CHD9: variants seen among roughly 807,000 people sequenced by gnomAD.
The protein encoded by CHD9 is chromodomain helicase DNA binding protein 9.
In CHD9, 77 loss-of-function variants were observed where a neutral mutation model predicts 316.1. The ratio of observed to expected loss-of-function variants is 0.24; its 90% confidence interval spans 0.20 to 0.29. CHD9 has a LOEUF of 0.29. Ranked by LOEUF, CHD9 falls within the 10% of genes least tolerant of loss-of-function variation. The pLI, the probability that CHD9 is intolerant of heterozygous loss-of-function variation, is 1.00. For missense variants in CHD9, 2,763 were observed against 3,438.1 expected (o/e 0.80, Z 4.91); for synonymous variants, 1,129 against 1,158.3 (o/e 0.97, Z 0.51).
At chr16:53,278,561 G>A (rs2053095548) in intron 24 of CHD9, among the ~76,000 whole-genome samples, 2 of 152,130 alleles carry the variant, frequency 1.3e-5, no homozygotes, top group Non-Finnish European at 2.9e-5. Context: ...ACATGTAGGC[G>A]AATGAAACTG....
rs1323372843 is a variant in CHD9, at chr16:53,326,597, A to G, written c.*1702A>G. 6.6e-6 allele frequency: 1 copy of G among 152,452 alleles called. No homozygotes were observed. Among genetic ancestry groups the G allele is most frequent in the Non-Finnish European group, 1.5e-5 (1 of 67,906 alleles). 9.4% of individuals were successfully genotyped at this position (152,452 alleles called of 1,614,324 possible). On this transcript the variant is annotated 3_prime_UTR_variant, in exon 39 of 39. Coordinates refer to ENST00000447540, the MANE Select transcript of CHD9 (RefSeq NM_001308319.2). ...TTTCCCAAAATAGTACTTTGAATTGATAGTCCTTTATGCAATGTCTTAGCA... is the reference window on the plus strand; with the variant it reads ...TTTCCCAAAATAGTACTTTGAATTGGTAGTCCTTTATGCAATGTCTTAGCA...
At chr16:53,282,185 A>T (rs558059471) in intron 24 of CHD9, among the ~76,000 whole-genome samples, 2 of 152,248 alleles carry the variant, frequency 1.3e-5, no homozygotes, top group South Asian at 4.1e-4. Context: ...TAACATGTTT[A>T]CATCTCTGTC....
chr16:53,154,160 A>T (rs1316565213), intron 1 of CHD9, among the ~76,000 whole-genome samples: 3 of 152,240 alleles, frequency 2.0e-5, no homozygotes, highest in African/African-American at 7.2e-5. Flanking sequence ...TTTATTACTC[A>T]AAAGTATCTG....
rs200076387 is a variant in CHD9, at chr16:53,132,097, AT to A, written c.-164-23821del. Among the ~76,000 whole-genome samples, 1,072 of 139,068 alleles carry A rather than the reference AT, an allele frequency of 7.7e-3. 13 individuals carry two copies. The highest frequency in any genetic ancestry group is 0.027 in the African/African-American group (1,030 of 37,568). The allele number at this position is 139,068 out of a possible 152,430, so 91.2% of individuals were successfully genotyped here. A position where few individuals can be genotyped will look rare whatever the true frequency, so the allele number is the denominator to read the frequency against. On this transcript the variant is annotated intron_variant, in intron 1 of 38. Coordinates refer to ENST00000447540, the MANE Select transcript of CHD9 (RefSeq NM_001308319.2). Reference sequence around the variant, plus strand: ...GTTCTTATTTTTATTTTTAAAAAAAATTTTTTTTGGGGGGGGTGGTTTGCTT... The same window carrying A: ...GTTCTTATTTTTATTTTTAAAAAAAATTTTTTTGGGGGGGGTGGTTTGCTT...
intron 4 of CHD9, among the ~76,000 whole-genome samples, chr16:53,224,608 T>C (rs575842436): frequency 6.6e-6 from 1 of 152,316 alleles, no homozygotes; most frequent in East Asian, 1.9e-4. Context: ...TAAGTACTAA[T>C]AGATGTCTTA....
At chr16:53,197,750 C>T (rs1269754919) in intron 2 of CHD9, among the ~76,000 whole-genome samples, 1 of 151,824 alleles carries the variant, frequency 6.6e-6, no homozygotes, top group Non-Finnish European at 1.5e-5. Context: ...CGTCACCCTC[C>T]TGAGTAGCTA....
At chr16:53,059,387 T>C (rs2032574768) in intron 1 of CHD9, among the ~76,000 whole-genome samples, 1 of 152,212 alleles carries the variant, frequency 6.6e-6, no homozygotes, top group South Asian at 2.1e-4. Context: ...GAGGAATGCT[T>C]GAGGCCAAGA....
chr16:53,202,792 G>T (rs1000686765), intron 2 of CHD9, among the ~76,000 whole-genome samples: 3 of 152,060 alleles, frequency 2.0e-5, no homozygotes, highest in Admixed American at 2.0e-4. Context: ...GAATGTCATG[G>T]TTATCTAAAA....
rs2046178217 is a variant in CHD9, at chr16:53,209,715, A to G, written c.1686A>G (p.Lys562=). The change falls in exon 3 of 39, where the codon AAA becomes AAG. Residue 562 remains lysine (K), a synonymous_variant. Transcript: ENST00000447540. ...TTCCTACTGCTTCAGTTGAAGGAAA[A>G]GAGGAAAAGAAAGGTAGAAGGATGA... The part of the protein sequence containing the change: ...ENFPTASVEG[K]EEKKGRRMKS... The G allele has an allele frequency of 1.2e-6, 2 of 1,613,770 alleles. No individual in the cohort carries two copies. The highest frequency in any genetic ancestry group is 1.7e-6 in the Non-Finnish European group (2 of 1,179,790).
chr16:53,098,096 G>A (rs2036533059), intron 1 of CHD9, among the ~76,000 whole-genome samples: 1 of 152,180 alleles, frequency 6.6e-6, no homozygotes, highest in Non-Finnish European at 1.5e-5. Flanking sequence ...CTCCAGCCTG[G>A]GGGACAAGAG....
At position 53,304,313 on chromosome 16, in the gene CHD9, C is replaced by T. The variant is rs530503801; in HGVS notation, c.6307C>T (p.Arg2103Cys). ...KSGGKCETDR[R>C]MVAARTEPLT... ...TGGTGGAAAATGTGAAACAGACAGA[C>T]GCATGGTTGCAGCCAGAACAGAACC... The change falls in exon 31 of 39, where the codon CGC becomes TGC. Residue 2103 changes from arginine to cysteine, a missense_variant. Arg to Cys is a radical substitution (Grantham distance 180). Coordinates refer to ENST00000447540, the MANE Select transcript of CHD9 (RefSeq NM_001308319.2). 3.5e-5 allele frequency: 57 copies of T among 1,612,134 alleles called. No homozygotes were observed. The highest frequency in any genetic ancestry group is 2.3e-4 in the South Asian group (21 of 91,020).
At chr16:53,253,825 A>G (rs2152974554) in intron 17 of CHD9, among the ~76,000 whole-genome samples, 1 of 152,272 alleles carries the variant, frequency 6.6e-6, no homozygotes, top group South Asian at 2.1e-4. Context: ...CATCAACTAT[A>G]AAATCTGTTC....
Position 53,304,643 on chromosome 16 carries a change from A to T in CHD9, c.6619+18A>T. The T allele has an allele frequency of 6.8e-7, 1 of 1,472,910 alleles. No individual in the cohort carries two copies. The highest frequency in any genetic ancestry group is 9.0e-7 in the Non-Finnish European group (1 of 1,111,866). The allele number at this position is 1,472,910 out of a possible 1,614,324, so 91.2% of individuals were successfully genotyped here. ...AAAACGAGGTACTATGCATAAAATAATTCTACTTTTTTAACATAACTTTTC... is the reference window on the plus strand; with the variant it reads ...AAAACGAGGTACTATGCATAAAATATTTCTACTTTTTTAACATAACTTTTC... On this transcript the variant is annotated intron_variant, in intron 31 of 38. Coordinates refer to ENST00000447540, the MANE Select transcript of CHD9 (RefSeq NM_001308319.2).
At position 53,088,078 on chromosome 16, in the gene CHD9, C is replaced by T. The variant is rs185671985; in HGVS notation, c.-165+33001C>T. 3.4e-4 allele frequency among the ~76,000 whole-genome samples: 51 copies of T among 152,206 alleles called. 1 individual carries two copies. The highest frequency in any genetic ancestry group is 6.8e-3 in the Middle Eastern group (2 of 294). On this transcript the variant is annotated intron_variant, in intron 1 of 38. Transcript: ENST00000447540. ...GGAGTTCAAATGTTAGAGCGGGACT[C>T]TCCTTACGTCTTGGCTCCATATTCT...
intron 11 of CHD9, 82 bp from the exon 12 acceptor site, chr16:53,238,261 T>C (rs1444192530): frequency 2.5e-6 from 3 of 1,222,710 alleles, no homozygotes; most frequent in Non-Finnish European, 3.3e-6. Flanking sequence ...TTATTTGATC[T>C]TTGATTATTT....
intron 1 of CHD9, among the ~76,000 whole-genome samples, chr16:53,117,269 G>A (rs1297641409): frequency 6.6e-6 from 1 of 152,052 alleles, no homozygotes; most frequent in Non-Finnish European, 1.5e-5. Context: ...AGGAAGTCCT[G>A]TATGACACCA....
chr16:53,159,099 A>G (rs1361949375), intron 2 of CHD9, among the ~76,000 whole-genome samples: 1 of 152,026 alleles, frequency 6.6e-6, no homozygotes, highest in Non-Finnish European at 1.5e-5. Context: ...ATGTAACGAT[A>G]CTCTGTCTCT....
intron 2 of CHD9, among the ~76,000 whole-genome samples, chr16:53,187,181 G>A (rs1197464151): frequency 6.6e-6 from 1 of 152,154 alleles, no homozygotes; most frequent in African/African-American, 2.4e-5. Context: ...AGTGATAGTT[G>A]AAGCTATGAG....
At chr16:53,072,552 T>C (rs902508362) in intron 1 of CHD9, among the ~76,000 whole-genome samples, 1 of 151,858 alleles carries the variant, frequency 6.6e-6, no homozygotes, top group Non-Finnish European at 1.5e-5. Context: ...GGCTAACTTT[T>C]TAATTTTTTG....
Sources: allele counts gnomAD v4.1 joint callset (sites outside exome capture counted in the v4.1 genomes callset), GRCh38; gene constraint gnomAD v4.1.1; transcripts MANE v1.5; gene names NCBI Gene and HGNC (gene_info 2026-07-23, HGNC 2026-07-21).